Variants in TSPAN15 observed in about 807,000 individuals in gnomAD.
The protein encoded by TSPAN15 is tetraspanin 15.
Under a neutral mutation model 34.5 loss-of-function variants are expected in TSPAN15, and 20 were observed. That is an observed-to-expected ratio of 0.58 (90% CI 0.41 to 0.84). TSPAN15 has a LOEUF of 0.84. Ranked by LOEUF, TSPAN15 falls within the 40% of genes least tolerant of loss-of-function variation. The probability of loss-of-function intolerance (pLI) is 0.00; values close to 1 mark genes in which losing one functional copy is unlikely to be tolerated. For missense variants in TSPAN15, 313 were observed against 386.1 expected (o/e 0.81, Z 1.59); for synonymous variants, 155 against 153.9 (o/e 1.01, Z -0.05).
chr10:69,507,649 A>G lies in TSPAN15; in HGVS notation c.*671A>G. 5.2e-6 allele frequency: 6 copies of G among 1,153,884 alleles called. No homozygotes were observed. The highest frequency in any genetic ancestry group is 6.5e-6 in the Non-Finnish European group (6 of 917,816). 71.5% of individuals were successfully genotyped at this position (1,153,884 alleles called of 1,614,324 possible). On this transcript the variant is annotated 3_prime_UTR_variant, in exon 8 of 8. Coordinates refer to ENST00000373290, the MANE Select transcript of TSPAN15 (RefSeq NM_012339.5). ...AGTTTGTTAATCAAACAATAAAAAC[A>G]TGTTTTTTTTTTTTTTTTTTTTTTG...
intron 1 of TSPAN15, among the ~76,000 whole-genome samples, chr10:69,456,596 A>G (rs1158135101): frequency 6.6e-6 from 1 of 152,302 alleles, no homozygotes; most frequent in East Asian, 1.9e-4. Flanking sequence ...TAAGTACAGT[A>G]CAGGGAAAAC....
chr10:69,530,059 G>T, the TSPAN15 span, among the ~76,000 whole-genome samples: 1 of 147,910 alleles, frequency 6.8e-6, no homozygotes, highest in East Asian at 2.5e-4. Flanking sequence ...CATGGTGTGT[G>T]TGTGTTTATA....
chr10:69,484,875 A>G (rs1368716516), intron 2 of TSPAN15, among the ~76,000 whole-genome samples: 1 of 151,704 alleles, frequency 6.6e-6, no homozygotes, highest in Non-Finnish European at 1.5e-5. Context: ...TTCCACATAG[A>G]CCCCCAAGAC....
intron 1 of TSPAN15, among the ~76,000 whole-genome samples, chr10:69,466,738 G>T (rs141487583): frequency 1.3e-5 from 2 of 152,360 alleles, no homozygotes; most frequent in East Asian, 3.9e-4. Flanking sequence ...TCTTGGTCAG[G>T]TGCAGACACT....
intron 1 of TSPAN15, among the ~76,000 whole-genome samples, chr10:69,480,615 T>C (rs1262646028): frequency 2.6e-5 from 4 of 152,188 alleles, no homozygotes; most frequent in Admixed American, 2.6e-4. Context: ...AGGGCTCTTT[T>C]ATTTGTCCAG....
At chr10:69,542,031 C>G in the TSPAN15 span, among the ~76,000 whole-genome samples, 1 of 152,218 alleles carries the variant, frequency 6.6e-6, no homozygotes, top group South Asian at 2.1e-4. Context: ...TTTTTCTTTT[C>G]TATCGCATTG....
At chr10:69,459,090 G>A (rs1368600293) in intron 1 of TSPAN15, among the ~76,000 whole-genome samples, 2 of 136,398 alleles carry the variant, frequency 1.5e-5, no homozygotes, top group Admixed American at 1.5e-4. Context: ...GTTGATGGGG[G>A]GAAAACAAAA....
At chr10:69,464,816 G>A (rs1276319252) in intron 1 of TSPAN15, among the ~76,000 whole-genome samples, 1 of 152,196 alleles carries the variant, frequency 6.6e-6, no homozygotes, top group Non-Finnish European at 1.5e-5. Flanking sequence ...CTGCCAATGG[G>A]ACAATCTCTA....
intron 3 of TSPAN15, among the ~76,000 whole-genome samples, chr10:69,489,792 G>C (rs1291383023): frequency 6.6e-6 from 1 of 152,244 alleles, no homozygotes. Context: ...ATGCACTGGG[G>C]AGCTGGGCAC....
chr10:69,453,026 T>G (rs1026651790), intron 1 of TSPAN15, among the ~76,000 whole-genome samples: 2 of 152,222 alleles, frequency 1.3e-5, no homozygotes, highest in African/African-American at 4.8e-5. Flanking sequence ...CAAGTCACTT[T>G]CCTGTTTTGG....
At chr10:69,539,482 G>GAGAAGAAGA in the TSPAN15 span, among the ~76,000 whole-genome samples, 1,888 of 66,866 alleles carry the variant, frequency 0.028, 69 homozygotes, top group Non-Finnish European at 0.035. Context: ...GAAGGAGAAG[G>GAGAAGAAGA]AGAAGAAGAA....
chr10:69,485,336 C>G (rs1841829731), intron 3 of TSPAN15, 121 bp downstream of exon 3: 1 of 854,046 alleles, frequency 1.2e-6, no homozygotes, highest in Non-Finnish European at 2.0e-6. Flanking sequence ...TTTCATTCTG[C>G]TGAAAGAGAA....
chr10:69,521,275 T>C, the TSPAN15 span, among the ~76,000 whole-genome samples: 8,828 of 140,128 alleles, frequency 0.063, 661 homozygotes, highest in East Asian at 0.32. Context: ...TTTGGGAGGC[T>C]GAGGCAGGCA....
chr10:69,521,827 G>A, the TSPAN15 span, among the ~76,000 whole-genome samples: 1 of 146,976 alleles, frequency 6.8e-6, no homozygotes, highest in African/African-American at 2.5e-5. Context: ...CTTGCAGATG[G>A]CAGACTGGGG....
chr10:69,462,537 A>G (rs10823383), intron 1 of TSPAN15, among the ~76,000 whole-genome samples: 60,531 of 151,260 alleles, frequency 0.4, 12,575 homozygotes, highest in Non-Finnish European at 0.45. Context: ...GGGTTTCACC[A>G]TGTTAGCCAG....
intron 3 of TSPAN15, among the ~76,000 whole-genome samples, chr10:69,488,070 A>G (rs571064007): frequency 6.6e-6 from 1 of 152,256 alleles, no homozygotes; most frequent in East Asian, 1.9e-4. Flanking sequence ...CTACAAAAAG[A>G]CTTAAAGGAA....
Position 69,506,152 on chromosome 10 carries a change from T to A in TSPAN15, c.647T>A (p.Val216Glu), listed in dbSNP as rs1842322012. 1 of 1,614,132 alleles carries A rather than the reference T, an allele frequency of 6.2e-7. No individual in the cohort carries two copies. The highest frequency in any genetic ancestry group is 8.5e-7 in the Non-Finnish European group (1 of 1,180,000). The part of the protein sequence containing the change: ...ERFSVQDVIY[V>E]RGCTNAVIIW... ...TTCAGTGTGCAGGATGTCATCTACG[T>A]GCGGGGCTGCACCAACGCCGTGATC... The change falls in exon 7 of 8, where the codon GTG becomes GAG. Residue 216 changes from valine to glutamate, a missense_variant. Physicochemically the swap from Val to Glu is moderately radical, Grantham distance 121 (BLOSUM62 -2). Coordinates refer to ENST00000373290, the MANE Select transcript of TSPAN15 (RefSeq NM_012339.5). The surrounding 1 kb of genome is among the most constrained non-coding windows in gnomAD (Gnocchi z 4.7).
the TSPAN15 span, among the ~76,000 whole-genome samples, chr10:69,522,007 T>A: frequency 7.4e-5 from 11 of 147,852 alleles, 2 homozygotes; most frequent in African/African-American, 2.7e-4. Flanking sequence ...CTCTAAGGAC[T>A]TGTGATGTTG....
chr10:69,502,861 C>T (rs1013443610), intron 5 of TSPAN15, among the ~76,000 whole-genome samples: 11 of 152,196 alleles, frequency 7.2e-5, no homozygotes, highest in Non-Finnish European at 1.3e-4. Flanking sequence ...CACCTCCCTA[C>T]GTACCATGCA....
Sources: allele counts gnomAD v4.1 joint callset (sites outside exome capture counted in the v4.1 genomes callset), GRCh38; gene constraint gnomAD v4.1.1; non-coding constraint Gnocchi (gnomAD v3.1); transcripts MANE v1.5; gene names NCBI Gene and HGNC (gene_info 2026-07-23, HGNC 2026-07-21).